The following DIAPH2 variants were observed in gnomAD, a reference collection of about 807,000 sequenced individuals.
DIAPH2 encodes protein diaphanous homolog 2.
In DIAPH2, 35 loss-of-function variants were observed where a neutral mutation model predicts 92.7. That is an observed-to-expected ratio of 0.38 (90% confidence interval 0.29 to 0.50). DIAPH2 has a LOEUF of 0.50. DIAPH2 is among the 20% of genes least tolerant of loss of function. The pLI is 0.94. For synonymous variants in DIAPH2, 301 were observed against 280.4 expected, an observed-to-expected ratio of 1.07 and a Z score of -0.73; for missense variants, 701 against 819.5, an observed-to-expected ratio of 0.86 and a Z score of 1.77.
chrX:97,240,638 AT>A (rs1436783594), intron 22 of DIAPH2, among the ~76,000 whole-genome samples: 2 of 109,677 alleles, frequency 1.8e-5, no homozygotes, highest in African/African-American at 3.3e-5. Flanking sequence ...ATTACGTTAA[AT>A]TAGGCCATAG....
At chrX:97,509,777 C>T (rs1231428165) in intron 26 of DIAPH2, among the ~76,000 whole-genome samples, 1 of 108,118 alleles carries the variant, frequency 9.2e-6, no homozygotes, top group Non-Finnish European at 1.9e-5. Context: ...TTTGTCCTTA[C>T]GATAGTTTAC....
At chrX:96,997,424 C>T (rs1602700672) in intron 17 of DIAPH2, among the ~76,000 whole-genome samples, 2 of 111,348 alleles carry the variant, frequency 1.8e-5, no homozygotes, top group East Asian at 5.6e-4. Flanking sequence ...TGTACAGCAT[C>T]ATTCCCCCAT....
chrX:97,393,474 G>A (rs1286608550), intron 25 of DIAPH2, among the ~76,000 whole-genome samples: 2 of 111,907 alleles, frequency 1.8e-5, no homozygotes, highest in African/African-American at 3.2e-5. Context: ...TTATTTAAAT[G>A]TAAAATTGAG....
intron 26 of DIAPH2, among the ~76,000 whole-genome samples, chrX:97,539,957 A>G (rs1054375400): frequency 9.0e-6 from 1 of 111,547 alleles, no homozygotes; most frequent in African/African-American, 3.3e-5. Context: ...CCCATTATAG[A>G]TTATTTAGGA....
intron 1 of DIAPH2, among the ~76,000 whole-genome samples, chrX:96,700,319 TGG>T (rs1404561019): frequency 8.9e-6 from 1 of 112,534 alleles, no homozygotes; most frequent in Non-Finnish European, 1.9e-5. Context: ...TTAGATTCTA[TGG>T]TACAGTCTTC....
chrX:96,709,588 A>G (rs2063906424), intron 1 of DIAPH2, among the ~76,000 whole-genome samples: 1 of 112,089 alleles, frequency 8.9e-6, no homozygotes, highest in African/African-American at 3.2e-5. Flanking sequence ...ACATCAAAAT[A>G]TTGATAAATG....
In DIAPH2 at chrX:96,836,700, T is replaced by TATATATATACATAC. The variant is rs1556227188; in HGVS notation, c.448-44870_448-44869insCATACATATATATA. On this transcript the variant is annotated intron_variant, in intron 4 of 26. Coordinates refer to ENST00000324765, the MANE Select transcript of DIAPH2 (RefSeq NM_006729.5). ...AGCAGTACAGGTATATATATATATA[T>TATATATATACATAC]ATATATATATATATATATTTTTTTT... 1.8e-3 allele frequency among the ~76,000 whole-genome samples: 38 copies of TATATATATACATAC among 20,697 alleles called. 1 individual carries two copies. The highest frequency in any genetic ancestry group is 7.6e-3 in the African/African-American group (36 of 4,715). The allele number at this position is 20,697 out of a possible 115,157, so 18.0% of individuals were successfully genotyped here. A position where few individuals can be genotyped will look rare whatever the true frequency, so the allele number is the denominator to read the frequency against.
chrX:97,465,345 G>A lies in DIAPH2; in HGVS notation c.3241+35600G>A, dbSNP rs186742295. Among the ~76,000 whole-genome samples, 81 of 110,949 alleles carry A rather than the reference G, an allele frequency of 7.3e-4. No individual in the cohort carries two copies. The East Asian group carries it at 0.017, about 23-fold the overall frequency. Reference sequence around the variant, plus strand: ...TGAATACAATTGTCCTTTCATATCCGTAGATTCTACATTCATGGATTCAAT... The same window carrying A: ...TGAATACAATTGTCCTTTCATATCCATAGATTCTACATTCATGGATTCAAT... On this transcript the variant is annotated intron_variant, in intron 26 of 26. Coordinates refer to ENST00000324765, the MANE Select transcript of DIAPH2 (RefSeq NM_006729.5).
intron 26 of DIAPH2, among the ~76,000 whole-genome samples, chrX:97,504,000 G>T (rs2070816259): frequency 9.0e-6 from 1 of 111,636 alleles, no homozygotes; most frequent in Admixed American, 9.5e-5. Context: ...TTGTATAGTT[G>T]CAACGTAGTG....
intron 22 of DIAPH2, among the ~76,000 whole-genome samples, chrX:97,221,869 T>A (rs1445362164): frequency 9.0e-6 from 1 of 110,881 alleles, no homozygotes; most frequent in African/African-American, 3.3e-5. Context: ...CCTGAAACTG[T>A]TTTTAGAATG....
chrX:97,580,447 C>T (rs1376670402), intron 26 of DIAPH2, among the ~76,000 whole-genome samples: 1 of 103,209 alleles, frequency 9.7e-6, no homozygotes, highest in Non-Finnish European at 2.0e-5. Flanking sequence ...TTGTCTTTGA[C>T]TCTGTTTATA....
intron 17 of DIAPH2, among the ~76,000 whole-genome samples, chrX:97,020,633 A>G (rs969572957): frequency 8.9e-6 from 1 of 111,965 alleles, no homozygotes; most frequent in African/African-American, 3.2e-5. Context: ...TTACTTGAAC[A>G]CTAGCATGTT....
intron 21 of DIAPH2, among the ~76,000 whole-genome samples, chrX:97,129,685 A>G (rs1387174193): frequency 9.0e-6 from 1 of 111,291 alleles, no homozygotes; most frequent in Non-Finnish European, 1.9e-5. Context: ...ATTTGGTACT[A>G]TCAAGAAATG....
chrX:96,738,951 CCTGT>C (rs775231773), intron 3 of DIAPH2, among the ~76,000 whole-genome samples, 189 bp downstream of exon 3: 6 of 110,839 alleles, frequency 5.4e-5, no homozygotes, highest in South Asian at 7.7e-4. Context: ...AATGTCCTTA[CCTGT>C]CTATCTCTTC....
intron 4 of DIAPH2, among the ~76,000 whole-genome samples, chrX:96,787,929 C>T (rs233675): frequency 0.48 from 50,446 of 104,745 alleles, 10,312 homozygotes; most frequent in African/African-American, 0.75. Context: ...AGGCTGGTCT[C>T]GAACTCCTGA....
At chrX:97,145,325 G>A (rs61626485) in intron 22 of DIAPH2, among the ~76,000 whole-genome samples, 14 of 13,550 alleles carry the variant, frequency 1.0e-3, no homozygotes, top group Non-Finnish European at 1.5e-3. Context: ...TAGTAGTAGT[G>A]GTAGTAGTAG....
At chrX:97,545,533 A>AAAATATATATATAT (rs1260118151) in intron 26 of DIAPH2, among the ~76,000 whole-genome samples, 1 of 79,358 alleles carries the variant, frequency 1.3e-5, no homozygotes, top group African/African-American at 5.0e-5. Flanking sequence ...AAAAAAAAAA[A>AAAATATATATATAT]ATATATATAT....
At chrX:96,723,005 G>T (rs2063998319) in intron 1 of DIAPH2, among the ~76,000 whole-genome samples, 1 of 111,811 alleles carries the variant, frequency 8.9e-6, no homozygotes, top group African/African-American at 3.3e-5. Flanking sequence ...TCATGTGAAA[G>T]AAAATGCCAG....
chrX:97,028,466 T>G (rs766405696), intron 17 of DIAPH2, among the ~76,000 whole-genome samples: 10 of 111,861 alleles, frequency 8.9e-5, no homozygotes, highest in Non-Finnish European at 1.9e-4. Flanking sequence ...TCTTCCATCC[T>G]CAAACCCCTG....
Sources: gnomAD v4.1 joint callset for allele counts (sites outside exome capture counted in the v4.1 genomes callset) on GRCh38, gnomAD v4.1.1 for gene constraint, MANE v1.5 for transcripts, NCBI Gene and HGNC (gene_info 2026-07-23, HGNC 2026-07-21) for gene names.